LRRC4C: variants seen among roughly 807,000 people sequenced by gnomAD.
LRRC4C encodes leucine-rich repeat-containing protein 4C.
A neutral mutation model predicts 33.6 loss-of-function variants in LRRC4C; 5 were observed. The ratio of observed to expected loss-of-function variants is 0.15; its 90% confidence interval spans 0.08 to 0.31. The LOEUF (loss-of-function observed/expected upper bound fraction) is 0.31. LRRC4C is among the 10% of genes least tolerant of loss of function. LRRC4C has a pLI of 1.00. For missense variants in LRRC4C, 560 were observed against 796.7 expected (o/e 0.70, Z 3.58); for synonymous variants, 329 against 302.0 (o/e 1.09, Z -0.93).
intron 3 of LRRC4C, among the ~76,000 whole-genome samples, chr11:40,468,779 GA>G (rs1299722510): frequency 6.6e-6 from 1 of 152,000 alleles, no homozygotes; most frequent in Non-Finnish European, 1.5e-5. Context: ...AAAGGAAGCT[GA>G]AAAAAATACC....
chr11:40,733,342 T>G (rs778151834), intron 2 of LRRC4C, among the ~76,000 whole-genome samples: 44 of 152,174 alleles, frequency 2.9e-4, no homozygotes, highest in Non-Finnish European at 4.6e-4. Flanking sequence ...CCCAAAGTGC[T>G]GGGATTGCAG....
intron 1 of LRRC4C, among the ~76,000 whole-genome samples, chr11:41,100,306 A>G (rs1403966484): frequency 6.6e-6 from 1 of 151,988 alleles, no homozygotes; most frequent in African/African-American, 2.4e-5. Flanking sequence ...GTGGCTCACG[A>G]CTGTAATTAC....
At chr11:41,338,900 G>A (rs1328781900) in intron 1 of LRRC4C, among the ~76,000 whole-genome samples, 1 of 151,770 alleles carries the variant, frequency 6.6e-6, no homozygotes, top group Non-Finnish European at 1.5e-5. Flanking sequence ...ATTTTTTTCT[G>A]TAATATTGAC....
At chr11:40,433,010 A>C (rs896670480) in intron 3 of LRRC4C, among the ~76,000 whole-genome samples, 1 of 152,192 alleles carries the variant, frequency 6.6e-6, no homozygotes, top group African/African-American at 2.4e-5. Flanking sequence ...TAAGGAAAGC[A>C]TAATGAATAA....
intron 2 of LRRC4C, among the ~76,000 whole-genome samples, chr11:40,777,837 G>A (rs1359759744): frequency 2.6e-5 from 4 of 151,902 alleles, no homozygotes; most frequent in East Asian, 1.9e-4. Flanking sequence ...ACAGGCGCCC[G>A]CCACCATGCC....
chr11:41,054,607 C>T (rs1044984997), intron 1 of LRRC4C, among the ~76,000 whole-genome samples: 3 of 152,180 alleles, frequency 2.0e-5, no homozygotes, highest in African/African-American at 4.8e-5. Flanking sequence ...CTTTAAGAAT[C>T]AATTTCAGCG....
chr11:41,306,769 G>C (rs1447131031), intron 1 of LRRC4C, among the ~76,000 whole-genome samples: 1 of 152,182 alleles, frequency 6.6e-6, no homozygotes, highest in Non-Finnish European at 1.5e-5. Flanking sequence ...CTTGGAACTA[G>C]GCTCAGAAAC....
chr11:41,303,079 GTCCCTCTCCCTCTCCCTCTCCCTC>G (rs142390416), intron 1 of LRRC4C, among the ~76,000 whole-genome samples: 1 of 104,016 alleles, frequency 9.6e-6, no homozygotes, highest in African/African-American at 3.0e-5. Context: ...TACTGCATTA[GTCCCTCTCCCTCTCCCTCTCCCTC>G]TCCCTCTCCC....
At chr11:41,116,498 C>T (rs1290114627) in intron 1 of LRRC4C, among the ~76,000 whole-genome samples, 2 of 151,992 alleles carry the variant, frequency 1.3e-5, no homozygotes, top group Non-Finnish European at 2.9e-5. Context: ...AGTATTGTTG[C>T]AGGAAGGCTG....
At chr11:40,258,780 C>T (rs1056561652) in intron 4 of LRRC4C, among the ~76,000 whole-genome samples, 1 of 152,174 alleles carries the variant, frequency 6.6e-6, no homozygotes, top group Non-Finnish European at 1.5e-5. Context: ...TGCTCATGTC[C>T]CACCTAAGTG....
intron 1 of LRRC4C, among the ~76,000 whole-genome samples, chr11:41,355,116 T>A (rs2137608780): frequency 6.6e-6 from 1 of 152,150 alleles, no homozygotes; most frequent in Non-Finnish European, 1.5e-5. Context: ...CTATCCAGAA[T>A]GTACAAGGAA....
intron 1 of LRRC4C, among the ~76,000 whole-genome samples, chr11:41,439,959 C>G (rs924163076): frequency 6.6e-6 from 1 of 152,134 alleles, no homozygotes. Context: ...TATGTTTACT[C>G]TGTTATTTCT....
At chr11:40,567,193 A>T (rs925547126) in intron 3 of LRRC4C, among the ~76,000 whole-genome samples, 1 of 152,154 alleles carries the variant, frequency 6.6e-6, no homozygotes, top group Admixed American at 6.6e-5. Flanking sequence ...CCTCTAGGAT[A>T]AACAAAGATG....
chr11:41,246,663 C>T lies in LRRC4C; in HGVS notation c.-496+212768G>A, dbSNP rs559483811. On this transcript the variant is annotated intron_variant, in intron 1 of 6. Transcript: ENST00000528697. ...GCCACTCCAGACTGGCTGCCACTGT[C>T]ATCAATATCATGTATTTAGAATAGC... Among the ~76,000 whole-genome samples, 101 of 152,306 alleles carry T rather than the reference C, an allele frequency of 6.6e-4. No homozygotes were observed. In the South Asian group the frequency reaches 0.021, roughly 32 times the overall value.
At chr11:41,130,013 G>C (rs955615353) in intron 1 of LRRC4C, among the ~76,000 whole-genome samples, 1 of 151,812 alleles carries the variant, frequency 6.6e-6, no homozygotes, top group Admixed American at 6.6e-5. Flanking sequence ...GTTATTTACT[G>C]TCCATAGGAG....
intron 2 of LRRC4C, among the ~76,000 whole-genome samples, chr11:40,739,495 TAGAC>T (rs963062949): frequency 7.4e-5 from 10 of 135,748 alleles, no homozygotes; most frequent in African/African-American, 2.4e-4. Flanking sequence ...AATATATACA[TAGAC>T]AATCAATATA....
chr11:40,885,038 C>T (rs1373620827), intron 2 of LRRC4C, among the ~76,000 whole-genome samples: 1 of 151,966 alleles, frequency 6.6e-6, no homozygotes, highest in Non-Finnish European at 1.5e-5. Context: ...ACAATGTACA[C>T]TATTTGGGTT....
chr11:40,404,454 C>T lies in LRRC4C; in HGVS notation c.-269-84733G>A, dbSNP rs527584884. 9.2e-5 allele frequency among the ~76,000 whole-genome samples: 14 copies of T among 152,268 alleles called. No individual in the cohort carries two copies. The East Asian group carries it at 2.5e-3, about 27-fold the overall frequency. On this transcript the variant is annotated intron_variant, in intron 3 of 6. Transcript: ENST00000528697. Reference sequence around the variant, plus strand: ...ACCCAGTTGCCAAGCCAGATATCTTCAGTTTATCCTCACCTTCCATATTAA... The same window carrying T: ...ACCCAGTTGCCAAGCCAGATATCTTTAGTTTATCCTCACCTTCCATATTAA...
chr11:40,840,287 T>C (rs1286482230), intron 2 of LRRC4C, among the ~76,000 whole-genome samples: 2 of 152,180 alleles, frequency 1.3e-5, no homozygotes, highest in East Asian at 3.9e-4. Flanking sequence ...TTTCCACTTA[T>C]TACTCAGCAA....
Sources: allele counts gnomAD v4.1 joint callset (sites outside exome capture counted in the v4.1 genomes callset), GRCh38; gene constraint gnomAD v4.1.1; transcripts MANE v1.5; gene names NCBI Gene and HGNC (gene_info 2026-07-23, HGNC 2026-07-21).